The following CRPPA variants were observed in gnomAD, a reference collection of about 807,000 sequenced individuals.
CRPPA encodes the protein D-ribitol-5-phosphate cytidylyltransferase.
In CRPPA, 43 loss-of-function variants were observed where a neutral mutation model predicts 52.0. That is an observed-to-expected ratio of 0.83 (90% CI 0.65 to 1.07). The LOEUF is 1.07. Ranked by LOEUF, CRPPA falls within the 50% of genes least tolerant of loss-of-function variation. The pLI, the probability that CRPPA is intolerant of heterozygous loss-of-function variation, is 0.00. For missense variants in CRPPA, 629 were observed against 551.7 expected (o/e 1.14, Z -1.40); for synonymous variants, 250 against 203.5 (o/e 1.23, Z -1.94).
intron 9 of CRPPA, among the ~76,000 whole-genome samples, chr7:16,125,710 G>T (rs1782565305): frequency 6.6e-6 from 1 of 152,078 alleles, no homozygotes; most frequent in East Asian, 1.9e-4. Context: ...TTGTCTAATG[G>T]GTGATGAGTT....
intron 9 of CRPPA, among the ~76,000 whole-genome samples, chr7:16,129,567 A>G (rs1450255926): frequency 6.6e-6 from 1 of 152,088 alleles, no homozygotes; most frequent in Non-Finnish European, 1.5e-5. Context: ...ACAATACCAG[A>G]TATCATGTTA....
intron 8 of CRPPA, among the ~76,000 whole-genome samples, chr7:16,217,912 C>T (rs2128399162): frequency 6.6e-6 from 1 of 151,796 alleles, no homozygotes; most frequent in African/African-American, 2.4e-5. Context: ...CAAGGCAGGC[C>T]AACGTTCAGA....
At chr7:16,275,225 G>T (rs931826934) in intron 6 of CRPPA, among the ~76,000 whole-genome samples, 5 of 152,116 alleles carry the variant, frequency 3.3e-5, no homozygotes, top group South Asian at 4.1e-4. Context: ...ACCTTAGCAG[G>T]CCATTCCATT....
At chr7:16,408,912 T>C (rs1314166342) in intron 1 of CRPPA, among the ~76,000 whole-genome samples, 1 of 152,164 alleles carries the variant, frequency 6.6e-6, no homozygotes, top group Non-Finnish European at 1.5e-5. Flanking sequence ...TCTACAATTT[T>C]ATTTTTTGAG....
At chr7:16,093,169 TTTTTCATTTTATCTA>T (rs1477508286) in intron 9 of CRPPA, among the ~76,000 whole-genome samples, 4 of 152,174 alleles carry the variant, frequency 2.6e-5, no homozygotes, top group Non-Finnish European at 4.4e-5. Context: ...ATGTAAAGAA[TTTTTCATTTTATCTA>T]TGAATATGGA....
rs1461276930 is a variant in CRPPA, at chr7:16,089,125, T to G, written c.*2570A>C. 1 of 244,682 alleles carries G rather than the reference T, an allele frequency of 4.1e-6. No homozygotes were observed. The highest frequency in any genetic ancestry group is 2.2e-5 in the African/African-American group (1 of 46,174). 15.2% of individuals were successfully genotyped at this position (244,682 alleles called of 1,614,324 possible). A position where few individuals can be genotyped will look rare whatever the true frequency, so the allele number is the denominator to read the frequency against. The stretch of plus-strand genomic sequence containing the variant: ...GAAAATAGTGAAGGATGTGCAGATA[T>G]ATATACATATAAAATACATATACAT... On this transcript the variant is annotated 3_prime_UTR_variant, in exon 10 of 10. Transcript: ENST00000407010.
intron 2 of CRPPA, 129 bp downstream of exon 2, chr7:16,405,932 A>G (rs1401646484): frequency 1.2e-6 from 1 of 834,034 alleles, no homozygotes; most frequent in African/African-American, 1.7e-5. Context: ...ACAAATCACC[A>G]TAACATCTTT....
intron 6 of CRPPA, among the ~76,000 whole-genome samples, chr7:16,266,873 C>T (rs1202261941): frequency 6.6e-6 from 1 of 152,116 alleles, no homozygotes; most frequent in Non-Finnish European, 1.5e-5. Context: ...GCTTTCATGA[C>T]AGATTATACT....
intron 3 of CRPPA, among the ~76,000 whole-genome samples, chr7:16,341,986 C>A (rs1372808592): frequency 1.3e-5 from 2 of 152,098 alleles, no homozygotes; most frequent in African/African-American, 4.8e-5. Flanking sequence ...TTCTTTCTGG[C>A]AACCTTTCTA....
chr7:16,386,863 T>C (rs1787282833), intron 2 of CRPPA, among the ~76,000 whole-genome samples: 2 of 151,380 alleles, frequency 1.3e-5, no homozygotes, highest in South Asian at 4.2e-4. Flanking sequence ...CTACTAAAAA[T>C]ATAAAAATTA....
chr7:16,380,263 T>C (rs912309766), intron 2 of CRPPA, among the ~76,000 whole-genome samples: 7 of 151,532 alleles, frequency 4.6e-5, no homozygotes, highest in Non-Finnish European at 8.8e-5. Context: ...GGTTTTTGTC[T>C]TTGGCTCTGT....
chr7:16,154,509 T>C (rs1292397659), intron 9 of CRPPA, among the ~76,000 whole-genome samples: 1 of 152,084 alleles, frequency 6.6e-6, no homozygotes, highest in African/African-American at 2.4e-5. Context: ...CAGAGAAGAG[T>C]ATATCATATA....
chr7:16,087,791 T>C lies in CRPPA; in HGVS notation c.*3904A>G, dbSNP rs1300258520. ...TATTCTGTTTTCAAATTAAACTTTCTAAATAACTTCTATCTTTCTTCTTGC... is the reference window on the plus strand; with the variant it reads ...TATTCTGTTTTCAAATTAAACTTTCCAAATAACTTCTATCTTTCTTCTTGC... On this transcript the variant is annotated 3_prime_UTR_variant, in exon 10 of 10. Transcript: ENST00000407010. The C allele has an allele frequency of 6.6e-6, 1 of 152,212 alleles. No individual in the cohort carries two copies. Among genetic ancestry groups the C allele is most frequent in the Non-Finnish European group, 1.5e-5 (1 of 68,022 alleles). 9.4% of individuals were successfully genotyped at this position (152,212 alleles called of 1,614,324 possible). A position where few individuals can be genotyped will look rare whatever the true frequency, so the allele number is the denominator to read the frequency against.
chr7:16,367,414 T>A (rs185834182), intron 3 of CRPPA, among the ~76,000 whole-genome samples: 3 of 152,212 alleles, frequency 2.0e-5, no homozygotes, highest in African/African-American at 7.2e-5. Context: ...CTGAGAGTTG[T>A]AATGCTTGGT....
At chr7:16,366,829 G>A (rs1380836922) in intron 3 of CRPPA, among the ~76,000 whole-genome samples, 1 of 150,116 alleles carries the variant, frequency 6.7e-6, no homozygotes, top group Non-Finnish European at 1.5e-5. Flanking sequence ...ATGACAAATA[G>A]GAAGACGCAT....
intron 9 of CRPPA, among the ~76,000 whole-genome samples, chr7:16,203,506 T>C (rs1431464459): frequency 6.6e-6 from 1 of 152,114 alleles, no homozygotes; most frequent in African/African-American, 2.4e-5. Context: ...TTCCACTGAG[T>C]TTACAAAACA....
chr7:16,227,479 A>T (rs1033726655), intron 8 of CRPPA, among the ~76,000 whole-genome samples: 1 of 151,808 alleles, frequency 6.6e-6, no homozygotes, highest in Admixed American at 6.6e-5. Context: ...CACTTCCCTG[A>T]TGATTAGTGA....
chr7:16,171,054 G>A (rs532068092), intron 9 of CRPPA, among the ~76,000 whole-genome samples: 13 of 152,342 alleles, frequency 8.5e-5, no homozygotes, highest in South Asian at 6.2e-4. Flanking sequence ...CTCCTCAAGC[G>A]TGGTCAGAGT....
rs1783706686 is a variant in CRPPA, at chr7:16,258,490, A to C, written c.1027-8T>G. On this transcript the variant is annotated splice_region_variant and splice_polypyrimidine_tract_variant and intron_variant, in intron 7 of 9. Transcript: ENST00000407010. Reference sequence around the variant, plus strand: ...AAAATCAGAGGTTGTAACCTAAAAGACCAGAAAAATAAAAGGATATGAGAA... The same window carrying C: ...AAAATCAGAGGTTGTAACCTAAAAGCCCAGAAAAATAAAAGGATATGAGAA... 5 of 1,563,244 alleles carry C rather than the reference A, an allele frequency of 3.2e-6. No homozygotes were observed. Among genetic ancestry groups the C allele is most frequent in the African/African-American group, 1.4e-5 (1 of 73,266 alleles).
Sources: allele counts gnomAD v4.1 joint callset (sites outside exome capture counted in the v4.1 genomes callset), GRCh38; gene constraint gnomAD v4.1.1; transcripts MANE v1.5; gene names NCBI Gene and HGNC (gene_info 2026-07-23, HGNC 2026-07-21).